The following TKTL1 variants were observed in gnomAD, a reference collection of about 807,000 sequenced individuals.
TKTL1 encodes transketolase-like protein 1.
A neutral mutation model predicts 39.3 loss-of-function variants in TKTL1; 1 was observed. That is an observed-to-expected ratio of 0.03 (90% CI 0.01 to 0.12). The LOEUF is 0.12. Ranked by LOEUF, TKTL1 falls within the 10% of genes least tolerant of loss-of-function variation. The probability of loss-of-function intolerance (pLI) is 1.00; values close to 1 mark genes in which losing one functional copy is unlikely to be tolerated. For missense variants in TKTL1, 575 were observed against 509.6 expected (o/e 1.13, Z -1.24); for synonymous variants, 262 against 193.8 (o/e 1.35, Z -2.92).
intron 7 of TKTL1, among the ~76,000 whole-genome samples, chrX:154,317,025 C>T (rs781816603): frequency 1.4e-4 from 16 of 111,253 alleles, no homozygotes; most frequent in Non-Finnish European, 2.6e-4. Context: ...CTGCCTCAGC[C>T]TCCCAAAGTG....
intron 7 of TKTL1, among the ~76,000 whole-genome samples, chrX:154,319,896 T>C (rs2067435090): frequency 8.9e-6 from 1 of 112,068 alleles, no homozygotes; most frequent in African/African-American, 3.2e-5. Flanking sequence ...TGTATTCTAG[T>C]TTGAAGCCTT....
chrX:154,301,249 C>T (rs1240080437), intron 1 of TKTL1, among the ~76,000 whole-genome samples: 1 of 110,169 alleles, frequency 9.1e-6, no homozygotes, highest in African/African-American at 3.3e-5. Context: ...GGCGCGGTGG[C>T]TCATGCCTGT....
chrX:154,300,010 ATTTT>A (rs1169453325), intron 1 of TKTL1, among the ~76,000 whole-genome samples: 3 of 86,681 alleles, frequency 3.5e-5, no homozygotes, highest in Non-Finnish European at 6.7e-5. Flanking sequence ...TACTTTTAGT[ATTTT>A]TTTTTTTTTT....
At position 154,323,352 on chromosome X, in the gene TKTL1, A is replaced by G; in HGVS notation, c.1317+15A>G. ...CCAATGCCAAGGTATTTTTAAGGGG[A>G]CACTAGTTTCAGACAGAAAATGCTT... is the stretch of plus-strand genomic sequence containing the variant. On this transcript the variant is annotated intron_variant, in intron 9 of 12. Transcript: ENST00000369915. The G allele has an allele frequency of 8.3e-7, 1 of 1,209,914 alleles. No individual in the cohort carries two copies. The highest frequency in any genetic ancestry group is 1.1e-6 in the Non-Finnish European group (1 of 894,578).
Position 154,323,287 on chromosome X carries a change from A to C in TKTL1, c.1267A>C (p.Thr423Pro). Residue 423 changes from threonine to proline, a missense_variant, in exon 9 of 13, where the codon ACT (threonine) becomes CCT (proline). Coordinates refer to ENST00000369915, the MANE Select transcript of TKTL1 (RefSeq NM_012253.4). Reference sequence around the variant, plus strand: ...TCCCAAGTGCACGATCTTCTACCCAACTGATGCCGTCTCCACGGAGCATGC... The same window carrying C: ...TCCCAAGTGCACGATCTTCTACCCACCTGATGCCGTCTCCACGGAGCATGC... ...TIPKCTIFYP[T>P]DAVSTEHAVA... 1 of 1,211,633 alleles carries C rather than the reference A, an allele frequency of 8.3e-7. No individual in the cohort carries two copies.
intron 1 of TKTL1, among the ~76,000 whole-genome samples, chrX:154,300,607 T>G (rs1433553673): frequency 8.9e-6 from 1 of 112,133 alleles, no homozygotes; most frequent in African/African-American, 3.2e-5. Context: ...GCTACTGATT[T>G]GTGTGCATTT....
chrX:154,304,110 A>G (rs148529345), intron 1 of TKTL1, among the ~76,000 whole-genome samples: 150 of 110,474 alleles, frequency 1.4e-3, no homozygotes, highest in Non-Finnish European at 2.5e-3. Flanking sequence ...CCTGAGAGGA[A>G]GAAGAGATTT....
intron 1 of TKTL1, among the ~76,000 whole-genome samples, chrX:154,296,446 G>C (rs186042388): frequency 9.0e-6 from 1 of 110,840 alleles, no homozygotes; most frequent in Non-Finnish European, 1.9e-5. Context: ...AGGATGTGAG[G>C]ATAAAAAGCA....
intron 3 of TKTL1, 41 bp from the exon 4 acceptor site, chrX:154,310,795 G>T (rs1569550921): frequency 8.8e-7 from 1 of 1,130,326 alleles, no homozygotes; most frequent in Non-Finnish European, 1.2e-6. Context: ...TGGCCCAGAT[G>T]ATCCCCCACA....
At chrX:154,309,619 G>C (rs983702917) in intron 3 of TKTL1, among the ~76,000 whole-genome samples, 177 bp downstream of exon 3, 2 of 111,091 alleles carry the variant, frequency 1.8e-5, no homozygotes, top group Non-Finnish European at 3.8e-5. Flanking sequence ...ACCTCGGGCG[G>C]CTGCCCCACT....
At chrX:154,318,949 AGGTTTTTAAAAAATTAT>A (rs1253816237) in intron 7 of TKTL1, among the ~76,000 whole-genome samples, 1 of 111,638 alleles carries the variant, frequency 9.0e-6, no homozygotes, top group African/African-American at 3.3e-5. Flanking sequence ...ATAAATTGAT[AGGTTTTTAAAAAATTAT>A]AATATAGGCT....
intron 10 of TKTL1, chrX:154,327,292 A>G (rs1569551187): frequency 1.3e-5 from 6 of 469,048 alleles, no homozygotes; most frequent in Admixed American, 2.4e-5. Flanking sequence ...AATGCCCAGA[A>G]TGTTCTCATT....
intron 1 of TKTL1, among the ~76,000 whole-genome samples, chrX:154,300,830 C>G (rs782511836): frequency 1.0e-4 from 11 of 110,411 alleles, no homozygotes; most frequent in African/African-American, 1.7e-4. Context: ...GTAGCTGGGA[C>G]TACAGGTGTG....
At chrX:154,322,558 AAAAG>A (rs1225544777) in intron 8 of TKTL1, among the ~76,000 whole-genome samples, 7 of 111,407 alleles carry the variant, frequency 6.3e-5, no homozygotes, top group African/African-American at 2.0e-4. Context: ...TTTTTTTAAA[AAAAG>A]AGCTGGGCTG....
chrX:154,297,344 C>CTCCT (rs2067238452), intron 1 of TKTL1, among the ~76,000 whole-genome samples: 1 of 110,563 alleles, frequency 9.0e-6, no homozygotes, highest in Non-Finnish European at 1.9e-5. Flanking sequence ...CAAGCTCCGC[C>CTCCT]TCCTGGGTTC....
rs1037282385 is a variant in TKTL1 at position 154,297,531 on chromosome X, C to T, written c.134+1538C>T. 8.9e-5 allele frequency among the ~76,000 whole-genome samples: 10 copies of T among 112,020 alleles called. No individual in the cohort carries two copies. In the East Asian group the frequency reaches 2.8e-3, roughly 32 times the overall value. ...TCGGCCTCCCAAAGTGCTGGGATTA[C>T]AGGCGTGAGCCACCGCGCCTGGCCT... On this transcript the variant is annotated intron_variant, in intron 1 of 12. Transcript: ENST00000369915.
At chrX:154,324,688 T>G (rs997659771) in intron 9 of TKTL1, among the ~76,000 whole-genome samples, 2 of 111,198 alleles carry the variant, frequency 1.8e-5, no homozygotes, top group African/African-American at 3.3e-5. Context: ...GGGCTGAACT[T>G]AGGATGTATG....
intron 1 of TKTL1, among the ~76,000 whole-genome samples, chrX:154,296,833 A>T: frequency 8.9e-6 from 1 of 111,828 alleles, no homozygotes; most frequent in Non-Finnish European, 1.9e-5. Flanking sequence ...AGCCTGGGCA[A>T]GATGGCGAAC....
At chrX:154,297,978 C>T (rs2067243904) in intron 1 of TKTL1, among the ~76,000 whole-genome samples, 1 of 111,566 alleles carries the variant, frequency 9.0e-6, no homozygotes, top group African/African-American at 3.3e-5. Context: ...GCAGTAATTA[C>T]GAATGAGGCT....
Sources: allele counts gnomAD v4.1 joint callset (sites outside exome capture counted in the v4.1 genomes callset), GRCh38; gene constraint gnomAD v4.1.1; transcripts MANE v1.5; gene names NCBI Gene and HGNC (gene_info 2026-07-23, HGNC 2026-07-21).